The following MED24 variants were observed in gnomAD, a reference collection of about 807,000 sequenced individuals.
MED24 encodes mediator of RNA polymerase II transcription subunit 24.
Under a neutral mutation model 118.8 loss-of-function variants are expected in MED24, and 74 were observed. The observed-to-expected ratio is 0.62, with a 90% CI of 0.52 to 0.76. MED24 has a LOEUF of 0.76. Among genes scored for constraint, MED24 ranks in the 30% least tolerant of loss-of-function variants. The pLI is 0.00. For synonymous variants in MED24, 521 were observed against 523.9 expected, an observed-to-expected ratio of 0.99 and a Z score of 0.08; for missense variants, 1,041 against 1,278.9, an observed-to-expected ratio of 0.81 and a Z score of 2.84.
chr17:40,043,290 C>A (rs1177784361), intron 3 of MED24, among the ~76,000 whole-genome samples: 1 of 152,184 alleles, frequency 6.6e-6, no homozygotes, highest in African/African-American at 2.4e-5. Context: ...ATCCCGTTGT[C>A]TCAGACTGAT....
rs146930844 is a variant in MED24, at chr17:40,020,678, C to T, written c.2624-325G>A. ...GCCAACGCCTGTAGTCCCAGCTCCT[C>T]GGGAGGCTGAGGCAGACTGCTTGAG... On this transcript the variant is annotated intron_variant, in intron 23 of 25. Coordinates refer to ENST00000394128, the MANE Select transcript of MED24 (RefSeq NM_014815.4). The T allele has an allele frequency of 2.7e-3, 1,035 of 378,576 alleles. 2 individuals are homozygous for T. Among genetic ancestry groups the T allele is most frequent in the Non-Finnish European group, 4.8e-3 (940 of 195,836 alleles). 23.5% of individuals were successfully genotyped at this position (378,576 alleles called of 1,614,324 possible).
intron 19 of MED24, among the ~76,000 whole-genome samples, chr17:40,025,664 T>C (rs1006196944): frequency 3.3e-5 from 5 of 152,170 alleles, no homozygotes; most frequent in African/African-American, 1.2e-4. Context: ...ATGGCTAAGA[T>C]GGCAAATCTT....
chr17:40,046,471 C>T (rs1985218787), intron 3 of MED24, among the ~76,000 whole-genome samples: 1 of 150,858 alleles, frequency 6.6e-6, no homozygotes, highest in Non-Finnish European at 1.5e-5. Context: ...AAAGGCCGGG[C>T]GCGGTGGCTC....
intron 3 of MED24, among the ~76,000 whole-genome samples, chr17:40,040,996 C>T (rs1332565419): frequency 6.6e-6 from 1 of 152,128 alleles, no homozygotes; most frequent in Non-Finnish European, 1.5e-5. Context: ...GATCCTCCTA[C>T]CTCGGCCTCA....
At chr17:40,043,379 C>G (rs1408921953) in intron 3 of MED24, among the ~76,000 whole-genome samples, 1 of 152,136 alleles carries the variant, frequency 6.6e-6, no homozygotes, top group Non-Finnish European at 1.5e-5. Context: ...GCACCAGGTT[C>G]AAGAGGCTGA....
At chr17:40,049,414 C>T (rs998914690) in intron 3 of MED24, among the ~76,000 whole-genome samples, 1 of 152,216 alleles carries the variant, frequency 6.6e-6, no homozygotes, top group Non-Finnish European at 1.5e-5. Flanking sequence ...CTCCACAAAG[C>T]CTTCCTTGAT....
At chr17:40,050,654 G>A (rs1350957756) in intron 3 of MED24, among the ~76,000 whole-genome samples, 2 of 152,090 alleles carry the variant, frequency 1.3e-5, no homozygotes, top group Non-Finnish European at 2.9e-5. Context: ...TATTCTCACT[G>A]ATAAGTGGGA....
intron 15 of MED24, 136 bp downstream of exon 15, chr17:40,027,773 C>A: frequency 1.0e-6 from 1 of 972,708 alleles, no homozygotes. Context: ...TCTGTGGAAG[C>A]TTCCATTGGT....
At chr17:40,046,694 C>A (rs890466277) in intron 3 of MED24, among the ~76,000 whole-genome samples, 1 of 150,822 alleles carries the variant, frequency 6.6e-6, no homozygotes, top group African/African-American at 2.4e-5. Context: ...TGCAGTGAGC[C>A]GAGATCCCGC....
intron 3 of MED24, among the ~76,000 whole-genome samples, chr17:40,047,101 C>A (rs781679304): frequency 6.6e-6 from 1 of 151,964 alleles, no homozygotes; most frequent in Non-Finnish European, 1.5e-5. Context: ...CAGAGCAAGA[C>A]CCTGTTTCAA....
intron 17 of MED24, 33 bp downstream of exon 17, chr17:40,026,823 G>A (rs749745106): frequency 1.3e-5 from 21 of 1,610,570 alleles, no homozygotes; most frequent in Non-Finnish European, 1.6e-5. Context: ...TGCCCCCACC[G>A]CCACCCTTGG....
At chr17:40,052,345 T>C (rs1157326938) in intron 3 of MED24, among the ~76,000 whole-genome samples, 1 of 152,242 alleles carries the variant, frequency 6.6e-6, no homozygotes, top group African/African-American at 2.4e-5. Flanking sequence ...AAGTACATTT[T>C]CAACTTATGA....
chr17:40,051,939 A>G (rs1478188656), intron 3 of MED24, among the ~76,000 whole-genome samples: 2 of 151,826 alleles, frequency 1.3e-5, no homozygotes, highest in African/African-American at 4.8e-5. Context: ...ATAAACAAAC[A>G]AACAGGCTTT....
chr17:40,032,287 G>A lies in MED24; in HGVS notation c.937-197C>T, dbSNP rs185438318. The A allele has an allele frequency of 5.3e-4, 331 of 622,330 alleles. 1 individual carries two copies. The African/African-American group carries it at 5.6e-3, about 11-fold the overall frequency. The allele number at this position is 622,330 out of a possible 1,614,324, so 38.6% of individuals were successfully genotyped here. On this transcript the variant is annotated intron_variant, in intron 9 of 25. Transcript: ENST00000394128. ...CCTGATGCCCCCAGGCCTAGGCACA[G>A]GACACAAGCACCCTGCACCTCCGCT...
chr17:40,039,169 C>T (rs1297711659), intron 3 of MED24, among the ~76,000 whole-genome samples: 1 of 152,204 alleles, frequency 6.6e-6, no homozygotes, highest in African/African-American at 2.4e-5. Flanking sequence ...AATTTATGGT[C>T]TTCAAATTCT....
chr17:40,026,015 T>C, intron 19 of MED24, 141 bp downstream of exon 19: 2 of 810,882 alleles, frequency 2.5e-6, no homozygotes, highest in South Asian at 1.8e-5. Context: ...GTCAGATGAG[T>C]GAATGCATGA....
intron 9 of MED24, 138 bp from the exon 10 acceptor site, chr17:40,032,228 G>A: frequency 9.8e-7 from 1 of 1,024,484 alleles, no homozygotes; most frequent in Non-Finnish European, 1.4e-6. Context: ...AGCACACTTA[G>A]TGCTAAATGA....
At chr17:40,047,187 TAAAC>T (rs1013944646) in intron 3 of MED24, among the ~76,000 whole-genome samples, 7 of 152,330 alleles carry the variant, frequency 4.6e-5, no homozygotes, top group African/African-American at 1.4e-4. Flanking sequence ...ACATTTATGT[TAAAC>T]AAAAGACAGT....
intron 6 of MED24, 66 bp downstream of exon 6, chr17:40,035,051 T>C: frequency 6.2e-7 from 1 of 1,610,220 alleles, no homozygotes; most frequent in Admixed American, 1.7e-5. Flanking sequence ...TGCCTCTCCC[T>C]TCTCAATTAA....
Sources: gnomAD v4.1 joint callset for allele counts (sites outside exome capture counted in the v4.1 genomes callset) on GRCh38, gnomAD v4.1.1 for gene constraint, MANE v1.5 for transcripts, NCBI Gene and HGNC (gene_info 2026-07-23, HGNC 2026-07-21) for gene names.